ATR: variants seen among roughly 807,000 people sequenced by gnomAD.
The protein encoded by ATR is serine/threonine-protein kinase ATR.
In ATR, 142 loss-of-function variants were observed where a neutral mutation model predicts 305.3. The ratio of observed to expected loss-of-function variants is 0.47; its 90% CI spans 0.41 to 0.53. The LOEUF (loss-of-function observed/expected upper bound fraction) is 0.53. Ranked by LOEUF, ATR falls within the 20% of genes least tolerant of loss-of-function variation. The probability of loss-of-function intolerance (pLI) is 0.00; values close to 1 mark genes in which losing one functional copy is unlikely to be tolerated. For missense variants in ATR, 2,135 were observed against 3,133.1 expected, an observed-to-expected ratio of 0.68 and a Z score of 7.60; for synonymous variants, 1,050 against 1,068.1, an observed-to-expected ratio of 0.98 and a Z score of 0.33.
chr3:142,553,214 C>T lies in ATR; in HGVS notation c.2805+13G>A, dbSNP rs576328738. The T allele has an allele frequency of 5.9e-5, 96 of 1,613,672 alleles. 1 individual carries two copies. The South Asian group carries it at 7.2e-4, about 12-fold the overall frequency. On this transcript the variant is annotated intron_variant, in intron 13 of 46. Coordinates refer to ENST00000350721, the MANE Select transcript of ATR (RefSeq NM_001184.4). ...TGCTGTTGCCTATAGTCCAGACAAA[C>T]GCTGACTCTTACCTGACAGATGGGT...
chr3:142,524,660 T>C (rs761454890), intron 21 of ATR, among the ~76,000 whole-genome samples: 1 of 152,146 alleles, frequency 6.6e-6, no homozygotes, highest in Non-Finnish European at 1.5e-5. Flanking sequence ...GAGGAGCAAC[T>C]ATTAGGTTAA....
intron 35 of ATR, among the ~76,000 whole-genome samples, chr3:142,490,445 C>A (rs554439929): frequency 4.9e-4 from 75 of 152,286 alleles, no homozygotes; most frequent in Non-Finnish European, 9.1e-4. Context: ...CAAGTATTTT[C>A]TCCAAGTCTA....
chr3:142,542,912 A>T (rs1396999357), intron 16 of ATR, among the ~76,000 whole-genome samples, 155 bp from the exon 17 acceptor site: 1 of 152,236 alleles, frequency 6.6e-6, no homozygotes, highest in East Asian at 1.9e-4. Flanking sequence ...CCAAAAGCAT[A>T]TATCTTCACA....
rs2108260055 is a variant in ATR, at chr3:142,459,001, G to C, written c.7460C>G (p.Thr2487Ser). Residue 2487 changes from threonine to serine, a missense_variant, in exon 44 of 47, where the codon ACT becomes AGT. Coordinates refer to ENST00000350721, the MANE Select transcript of ATR (RefSeq NM_001184.4). ...HGENILFDSL[T>S]GECVHVDFNC... ...GAAATCTACATGTACGCATTCACCA[G>C]TCAAAGAATCAAAGAGAATATTTTC... 1 of 1,613,832 alleles carries C rather than the reference G, an allele frequency of 6.2e-7. No homozygotes were observed. The highest frequency in any genetic ancestry group is 8.5e-7 in the Non-Finnish European group (1 of 1,179,792).
At chr3:142,494,478 A>T (rs2108328238) in intron 34 of ATR, among the ~76,000 whole-genome samples, 1 of 152,360 alleles carries the variant, frequency 6.6e-6, no homozygotes, top group East Asian at 1.9e-4. Context: ...TAGAGAAGAG[A>T]GTCCCTTAAA....
intron 40 of ATR, chr3:142,465,772 G>C (rs2071113621): frequency 6.1e-6 from 1 of 163,944 alleles, no homozygotes; most frequent in Non-Finnish European, 1.3e-5. Context: ...TGGGAAGGCT[G>C]AGCAGGAGAA....
chr3:142,459,112 C>G lies in ATR; in HGVS notation c.7350-1G>C, dbSNP rs2070969674. On this transcript the variant is annotated splice_acceptor_variant, in intron 43 of 46. Transcript: ENST00000350721. LOFTEE classifies it high-confidence loss of function. ...GCAGTAAGCTGATCTACTACTGTAC[C>G]TAAAAGAAACACAATGCCTATGAAA... 3 of 1,613,840 alleles carry G rather than the reference C, an allele frequency of 1.9e-6. No homozygotes were observed. Among genetic ancestry groups the G allele is most frequent in the Non-Finnish European group, 2.5e-6 (3 of 1,179,834 alleles).
At chr3:142,532,810 A>G (rs2033711934) in intron 21 of ATR, among the ~76,000 whole-genome samples, 1 of 152,170 alleles carries the variant, frequency 6.6e-6, no homozygotes, top group Admixed American at 6.5e-5. Context: ...CCCTGTGGCT[A>G]AATTTTAAAT....
In ATR at chr3:142,561,175, G is replaced by C. The variant is rs931424844; in HGVS notation, c.1349+68C>G. 2.0e-6 allele frequency: 3 copies of C among 1,532,940 alleles called. No individual in the cohort carries two copies. The African/African-American group carries it at 4.1e-5, about 21-fold the overall frequency. The allele number at this position is 1,532,940 out of a possible 1,614,324, so 95.0% of individuals were successfully genotyped here. A position where few individuals can be genotyped will look rare whatever the true frequency, so the allele number is the denominator to read the frequency against. On this transcript the variant is annotated intron_variant, in intron 5 of 46. Transcript: ENST00000350721. ...ATTTAAATCAAAGCACTTAACTAAA[G>C]CTGATTTTTAAAAGTGAACAAAGTT...
intron 46 of ATR, chr3:142,450,294 C>T (rs180677281): frequency 1.1e-4 from 99 of 881,504 alleles, no homozygotes; most frequent in Admixed American, 3.3e-4. Flanking sequence ...AACCAGCTGC[C>T]GCTTATTTCT....
intron 21 of ATR, among the ~76,000 whole-genome samples, chr3:142,527,424 AG>A (rs1186669942): frequency 6.6e-6 from 1 of 152,142 alleles, no homozygotes; most frequent in African/African-American, 2.4e-5. Context: ...TTTCTATTTC[AG>A]CTAGAGTTCA....
At chr3:142,457,909 G>C (rs1259174861) in intron 44 of ATR, 154 bp from the exon 45 acceptor site, 14 of 813,312 alleles carry the variant, frequency 1.7e-5, no homozygotes, top group Admixed American at 1.6e-4. Context: ...ACATGAAGGA[G>C]CCATGTAGCT....
In ATR at chr3:142,468,856, G is replaced by A. The variant is rs544509353; in HGVS notation, c.6552+481C>T. 2.3e-3 allele frequency among the ~76,000 whole-genome samples: 347 copies of A among 152,154 alleles called. 1 individual carries two copies. The highest frequency in any genetic ancestry group is 4.4e-3 in the South Asian group (21 of 4,818). On this transcript the variant is annotated intron_variant, in intron 38 of 46. Coordinates refer to ENST00000350721, the MANE Select transcript of ATR (RefSeq NM_001184.4). ...AGAATTTAAAAATTAACTGTACATGGTGACACACCGCTATCATCCTAGCTA... is the reference window on the plus strand; with the variant it reads ...AGAATTTAAAAATTAACTGTACATGATGACACACCGCTATCATCCTAGCTA...
rs113152897 is a variant in ATR, at chr3:142,570,473, G to A, written c.60-2319C>T. Among the ~76,000 whole-genome samples the A allele has an allele frequency of 9.3e-4, 142 of 152,168 alleles. 1 individual carries two copies. The highest frequency in any genetic ancestry group is 2.9e-3 in the African/African-American group (120 of 41,536). On this transcript the variant is annotated intron_variant, in intron 1 of 46. Transcript: ENST00000350721. ...GCGATCTCAGCTCACCGCAACCTCC[G>A]CCTCCTGGGTTCAAGCGATTCTCCT...
chr3:142,482,615 T>C (rs922656469), intron 36 of ATR, among the ~76,000 whole-genome samples: 10 of 152,166 alleles, frequency 6.6e-5, no homozygotes, highest in African/African-American at 2.2e-4. Context: ...GAAGATTGCT[T>C]GAGGCCAGGA....
chr3:142,560,564 A>G, intron 5 of ATR, 110 bp from the exon 6 acceptor site: 1 of 875,904 alleles, frequency 1.1e-6, no homozygotes, highest in South Asian at 2.1e-5. Flanking sequence ...ATTCAAAAAA[A>G]TTTTTTTTTT....
intron 1 of ATR, among the ~76,000 whole-genome samples, chr3:142,577,137 G>C (rs2035465974): frequency 6.6e-6 from 1 of 152,106 alleles, no homozygotes; most frequent in South Asian, 2.1e-4. Flanking sequence ...TAATGAAAAA[G>C]CCATGACAAT....
intron 34 of ATR, among the ~76,000 whole-genome samples, chr3:142,493,887 C>T (rs946466765): frequency 6.7e-6 from 1 of 148,628 alleles, no homozygotes; most frequent in African/African-American, 2.5e-5. Flanking sequence ...AAAAAGAAAG[C>T]TAGGCATGAT....
intron 39 of ATR, 102 bp downstream of exon 39, chr3:142,467,832 A>T: frequency 7.3e-7 from 1 of 1,367,838 alleles, no homozygotes; most frequent in Non-Finnish European, 1.0e-6. Flanking sequence ...GTGTACACCT[A>T]TAGTTAGAAT....
Sources: allele counts gnomAD v4.1 joint callset (sites outside exome capture counted in the v4.1 genomes callset), GRCh38; gene constraint gnomAD v4.1.1; transcripts MANE v1.5; gene names NCBI Gene and HGNC (gene_info 2026-07-23, HGNC 2026-07-21).